SLC25A18: variants seen among roughly 807,000 people sequenced by gnomAD.
SLC25A18 encodes mitochondrial glutamate carrier 2.
Under a neutral mutation model 31.1 loss-of-function variants are expected in SLC25A18, and 24 were observed. The ratio of observed to expected loss-of-function variants is 0.77; its 90% CI spans 0.56 to 1.08. The LOEUF is 1.08. SLC25A18 is among the 50% of genes least tolerant of loss of function. SLC25A18 has a pLI of 0.00. For missense variants in SLC25A18, 371 were observed against 418.5 expected (o/e 0.89, Z 0.99); for synonymous variants, 173 against 161.9 (o/e 1.07, Z -0.52).
At chr22:17,584,446 GGAGAGAGA>G (rs60872688) in intron 7 of SLC25A18, among the ~76,000 whole-genome samples, 8 of 116,938 alleles carry the variant, frequency 6.8e-5, no homozygotes, top group South Asian at 2.6e-4. Context: ...AAGGAAGGAA[GGAGAGAGA>G]GAGAGAGAGA....
Position 17,583,402 on chromosome 22 carries a change from G to T in SLC25A18, c.291-14G>T, listed in dbSNP as rs149112328. ...TGGCCTGCGGCTGAAGGAGCCTGAC[G>T]CCTGTTCCCATAGGATGCAGCGGAA... On this transcript the variant is annotated splice_polypyrimidine_tract_variant and intron_variant, in intron 6 of 10. Transcript: ENST00000327451. 2.5e-6 allele frequency: 4 copies of T among 1,613,758 alleles called. No homozygotes were observed. In the Admixed American group the frequency reaches 5.0e-5, roughly 20 times the overall value.
intron 1 of SLC25A18, among the ~76,000 whole-genome samples, chr22:17,566,408 G>T (rs2056937840): frequency 6.7e-6 from 1 of 149,082 alleles, no homozygotes; most frequent in African/African-American, 2.5e-5. Context: ...TGAGCAGGCT[G>T]TCATTTTCTT....
At chr22:17,571,758 GAAA>G (rs796501629) in intron 2 of SLC25A18, among the ~76,000 whole-genome samples, 1 of 91,544 alleles carries the variant, frequency 1.1e-5, no homozygotes, top group Non-Finnish European at 2.4e-5. Context: ...GTCTCAAAAA[GAAA>G]AAAAAAAAAA....
At chr22:17,587,501 C>T (rs1047791907) in intron 8 of SLC25A18, among the ~76,000 whole-genome samples, 200 bp downstream of exon 8, 6 of 152,138 alleles carry the variant, frequency 3.9e-5, no homozygotes, top group African/African-American at 1.4e-4. Flanking sequence ...AGTTTTAGGC[C>T]GCTTGCATAG....
rs562039024 is a variant in SLC25A18 at position 17,574,710 on chromosome 22, C to T, written c.-201+4724C>T. ...CTGATTTTTGTGTTTTTAGTAGAGA[C>T]GGAGTTTCACTATGTTGGCCAGGCT... is the stretch of plus-strand genomic sequence containing the variant. On this transcript the variant is annotated intron_variant, in intron 2 of 10. Coordinates refer to ENST00000327451, the MANE Select transcript of SLC25A18 (RefSeq NM_031481.3). Among the ~76,000 whole-genome samples, 19 of 150,434 alleles carry T rather than the reference C, an allele frequency of 1.3e-4. 1 individual carries two copies. Among genetic ancestry groups the T allele is most frequent in the African/African-American group, 4.2e-4 (17 of 40,442 alleles).
intron 1 of SLC25A18, among the ~76,000 whole-genome samples, chr22:17,569,129 A>G (rs562862386): frequency 6.7e-6 from 1 of 148,440 alleles, no homozygotes. Flanking sequence ...CTGCCTCCGC[A>G]TCCCGAGTAG....
chr22:17,587,664 C>T (rs1004581507), intron 8 of SLC25A18, among the ~76,000 whole-genome samples: 21 of 152,218 alleles, frequency 1.4e-4, no homozygotes, highest in Admixed American at 3.3e-4. Context: ...ACGCATTTCC[C>T]GCCTCGGACT....
intron 2 of SLC25A18, among the ~76,000 whole-genome samples, chr22:17,579,158 G>A (rs986638171): frequency 6.6e-6 from 1 of 150,900 alleles, no homozygotes; most frequent in African/African-American, 2.4e-5. Flanking sequence ...GTGTGATCTC[G>A]GCTCCACCAC....
rs561795407 is a variant in SLC25A18 at position 17,571,151 on chromosome 22, G to A, written c.-201+1165G>A. On this transcript the variant is annotated intron_variant, in intron 2 of 10. Transcript: ENST00000327451. ...TGGGAGCCTGTCCCGAGAGCCGTGG[G>A]AAGGCAGCCCCCGCGCCCTTTCACC... Among the ~76,000 whole-genome samples, 6 of 152,358 alleles carry A rather than the reference G, an allele frequency of 3.9e-5. No homozygotes were observed. In the East Asian group the frequency reaches 7.7e-4, roughly 20 times the overall value.
Position 17,587,232 on chromosome 22 carries a change from T to C in SLC25A18, c.506T>C (p.Ile169Thr), listed in dbSNP as rs753872546. Reference sequence around the variant, plus strand: ...CACAGGCGCCCCTCTGCCACCCTCATTGCCTGGGAGCTGCTCCGCACTCAG... The same window carrying C: ...CACAGGCGCCCCTCTGCCACCCTCACTGCCTGGGAGCTGCTCCGCACTCAG... ...STHRRPSATLIAWELLRTQGL... is the reference protein window; with the variant it reads ...STHRRPSATLTAWELLRTQGL... Residue 169 changes from isoleucine (I) to threonine (T), a missense_variant, in exon 8 of 11, where the codon ATT becomes ACT. Ile to Thr is a moderately conservative substitution (Grantham distance 89, BLOSUM62 -1). Transcript: ENST00000327451. The C allele has an allele frequency of 1.3e-5, 21 of 1,614,108 alleles. No individual in the cohort carries two copies. In the Admixed American group the frequency reaches 2.7e-4, roughly 20 times the overall value.
chr22:17,564,353 G>GACCTTAAACTGA (rs2056878350), intron 1 of SLC25A18, among the ~76,000 whole-genome samples: 2 of 152,160 alleles, frequency 1.3e-5, no homozygotes. Flanking sequence ...TCCCGCCTAA[G>GACCTTAAACTGA]ACCTTAAACT....
At chr22:17,574,750 G>A (rs1266595572) in intron 2 of SLC25A18, among the ~76,000 whole-genome samples, 1 of 150,398 alleles carries the variant, frequency 6.6e-6, no homozygotes, top group Non-Finnish European at 1.5e-5. Flanking sequence ...TCGAACTCCT[G>A]ACCTCCTGAT....
At chr22:17,569,887 C>T (rs1290568801) in intron 1 of SLC25A18, 37 bp from the exon 2 acceptor site, 7 of 985,560 alleles carry the variant, frequency 7.1e-6, no homozygotes, top group Non-Finnish European at 8.4e-6. Flanking sequence ...AAAACCAGTC[C>T]AAGCTGGCTG....
intron 6 of SLC25A18, 66 bp downstream of exon 6, chr22:17,582,719 A>C (rs2057414410): frequency 3.5e-6 from 5 of 1,413,416 alleles, no homozygotes; most frequent in Non-Finnish European, 3.9e-6. Context: ...GGCAGGAAGA[A>C]GATTTCAAAT....
intron 2 of SLC25A18, among the ~76,000 whole-genome samples, chr22:17,573,995 G>A (rs1285931402): frequency 2.0e-5 from 3 of 152,212 alleles, no homozygotes; most frequent in Non-Finnish European, 4.4e-5. Context: ...TTCGGGAGGT[G>A]GAGGTGTGCG....
intron 2 of SLC25A18, chr22:17,570,281 A>G (rs964198763): frequency 2.0e-5 from 3 of 152,450 alleles, no homozygotes; most frequent in African/African-American, 7.2e-5. Context: ...TGCTCTGCTA[A>G]TAAGAGGAAG....
intron 2 of SLC25A18, among the ~76,000 whole-genome samples, chr22:17,576,073 G>GC (rs1239164348): frequency 2.6e-5 from 4 of 152,136 alleles, no homozygotes; most frequent in Non-Finnish European, 1.5e-5. Flanking sequence ...GGTAGAGGAG[G>GC]CCGGGCATGG....
chr22:17,584,082 CTT>C, intron 7 of SLC25A18: 1 of 985,120 alleles, frequency 1.0e-6, no homozygotes, highest in Non-Finnish European at 1.2e-6. Context: ...CACAATTAGA[CTT>C]GATCTCCTAA....
chr22:17,573,349 C>T (rs2057147687), intron 2 of SLC25A18, among the ~76,000 whole-genome samples: 1 of 152,100 alleles, frequency 6.6e-6, no homozygotes, highest in Non-Finnish European at 1.5e-5. Context: ...AGTGCTGCAC[C>T]TCCTCTCTGA....
Sources: allele counts gnomAD v4.1 joint callset (sites outside exome capture counted in the v4.1 genomes callset), GRCh38; gene constraint gnomAD v4.1.1; transcripts MANE v1.5; gene names NCBI Gene and HGNC (gene_info 2026-07-23, HGNC 2026-07-21).